The following XPO1 variants were observed in gnomAD, a reference collection of about 807,000 sequenced individuals.
XPO1 encodes exportin-1.
In XPO1, 5 loss-of-function variants were observed where a neutral mutation model predicts 133.3. The observed-to-expected ratio is 0.04, with a 90% CI of 0.02 to 0.08. The LOEUF (loss-of-function observed/expected upper bound fraction) is 0.08, where lower values mean the gene tolerates loss of function less well. Ranked by LOEUF, XPO1 falls within the 10% of genes least tolerant of loss-of-function variation. The pLI, the probability that XPO1 is intolerant of heterozygous loss-of-function variation, is 1.00. For missense variants in XPO1, 506 were observed against 1,267.5 expected, an observed-to-expected ratio of 0.40 and a Z score of 9.12; for synonymous variants, 419 against 408.2, an observed-to-expected ratio of 1.03 and a Z score of -0.32.
At chr2:61,482,198 A>T in intron 23 of XPO1, among the ~76,000 whole-genome samples, 182 bp downstream of exon 23, 1 of 151,944 alleles carries the variant, frequency 6.6e-6, no homozygotes. Flanking sequence ...CTACAGATGC[A>T]TACCACTTCT....
intron 4 of XPO1, among the ~76,000 whole-genome samples, chr2:61,519,711 A>AAAAC: frequency 6.6e-6 from 1 of 150,964 alleles, no homozygotes; most frequent in Non-Finnish European, 1.5e-5. Flanking sequence ...AAAAAAAAAA[A>AAAAC]AAAAAAAAAA....
Position 61,478,596 on chromosome 2 carries a change from A to T in XPO1, c.*224T>A. ...GAAGTAAAATTTTTAAAAATGCCTT[A>T]ATTTTCAACTTCATGCAAACTAAAT... On this transcript the variant is annotated 3_prime_UTR_variant, in exon 25 of 25. Transcript: ENST00000401558. 1 of 481,856 alleles carries T rather than the reference A, an allele frequency of 2.1e-6. No homozygotes were observed. The highest frequency in any genetic ancestry group is 3.4e-6 in the Non-Finnish European group (1 of 293,234). 29.8% of individuals were successfully genotyped at this position (481,856 alleles called of 1,614,324 possible).
intron 4 of XPO1, among the ~76,000 whole-genome samples, chr2:61,518,773 CACAA>C (rs1427602112): frequency 1.3e-5 from 2 of 152,076 alleles, no homozygotes; most frequent in Non-Finnish European, 2.9e-5. Context: ...ACACATAAAA[CACAA>C]ACAAATAGAC....
chr2:61,510,732 T>C (rs1228429109), intron 4 of XPO1, among the ~76,000 whole-genome samples: 1 of 151,320 alleles, frequency 6.6e-6, no homozygotes, highest in African/African-American at 2.4e-5. Context: ...AGCCCAGGAG[T>C]TCAGGACCAG....
intron 10 of XPO1, among the ~76,000 whole-genome samples, chr2:61,496,624 GTCTGGTCA>G (rs1374284941): frequency 1.3e-5 from 2 of 152,160 alleles, no homozygotes; most frequent in African/African-American, 2.4e-5. Flanking sequence ...GTTTCCCACT[GTCTGGTCA>G]GGTATCTCCC....
chr2:61,496,680 C>A (rs1362931790), intron 10 of XPO1, among the ~76,000 whole-genome samples, 199 bp downstream of exon 10: 3 of 152,104 alleles, frequency 2.0e-5, no homozygotes, highest in Non-Finnish European at 4.4e-5. Flanking sequence ...AAATAAATTA[C>A]CACAACACAC....
At chr2:61,516,339 A>G (rs1329417597) in intron 4 of XPO1, among the ~76,000 whole-genome samples, 1 of 151,948 alleles carries the variant, frequency 6.6e-6, no homozygotes, top group Non-Finnish European at 1.5e-5. Context: ...AAAAAAATCA[A>G]ACCTTGTAAT....
chr2:61,477,897 CATT>C lies in XPO1; in HGVS notation c.*920_*922del, dbSNP rs1447289807. 4.8e-6 allele frequency: 1 copy of C among 210,090 alleles called. No individual in the cohort carries two copies. The highest frequency in any genetic ancestry group is 2.3e-5 in the African/African-American group (1 of 44,022). The allele number at this position is 210,090 out of a possible 1,614,324, so 13.0% of individuals were successfully genotyped here. On this transcript the variant is annotated 3_prime_UTR_variant, in exon 25 of 25. Transcript: ENST00000401558. ...ATGCTTAAACACAAATACCCACTAT[CATT>C]AATATAGGAATAAATGAGTCAATAA... is the stretch of plus-strand genomic sequence containing the variant.
chr2:61,513,347 A>G (rs1698188696), intron 4 of XPO1, among the ~76,000 whole-genome samples: 1 of 145,494 alleles, frequency 6.9e-6, no homozygotes. Context: ...GTTCTATAAG[A>G]AAACGTACAG....
chr2:61,486,028 G>A, intron 19 of XPO1, 66 bp from the exon 20 acceptor site: 1 of 1,388,726 alleles, frequency 7.2e-7, no homozygotes, highest in Non-Finnish European at 9.8e-7. Context: ...TAAACAACAA[G>A]GTTATTCCTG....
chr2:61,506,956 G>A (rs541356916), intron 4 of XPO1, among the ~76,000 whole-genome samples: 2 of 152,100 alleles, frequency 1.3e-5, no homozygotes, highest in East Asian at 3.9e-4. Flanking sequence ...AAGGCCGGGC[G>A]CGGTGGCTCA....
intron 3 of XPO1, among the ~76,000 whole-genome samples, chr2:61,524,161 AAG>A (rs1558674136): frequency 6.6e-6 from 1 of 152,178 alleles, no homozygotes; most frequent in East Asian, 1.9e-4. Context: ...TCAGATTGTC[AAG>A]ACTCAGTAAG....
intron 6 of XPO1, 55 bp from the exon 7 acceptor site, chr2:61,499,949 C>T: frequency 6.5e-7 from 1 of 1,528,238 alleles, no homozygotes; most frequent in Non-Finnish European, 8.9e-7. Context: ...GCAAATAAAA[C>T]AAACTTCAAA....
intron 20 of XPO1, chr2:61,485,251 GACTT>G (rs1388798072): frequency 6.6e-6 from 1 of 152,406 alleles, no homozygotes; most frequent in East Asian, 1.9e-4. Flanking sequence ...GAAACATGCA[GACTT>G]ACTTTCTCAT....
chr2:61,483,084 C>G lies in XPO1; in HGVS notation c.2685G>C (p.Gln895His). Residue 895 changes from glutamine (Q) to histidine (H), a missense_variant, in exon 22 of 25, where the codon CAG (glutamine) becomes CAC (histidine). By Grantham distance (24) the Gln-to-His change is conservative. Around this residue, in one of 6 missense-constraint regions of XPO1, gnomAD observed 203 missense variants for 365.9 expected, o/e 0.55. Transcript: ENST00000401558. ...CATTTTGTAAGAGTGTAAAAAGTATCTGTAAGCCTAAAAGACATAGAATAC... is the reference window on the plus strand; with the variant it reads ...CATTTTGTAAGAGTGTAAAAAGTATGTGTAAGCCTAAAAGACATAGAATAC... ...TMRNVADTGL[Q>H]ILFTLLQNVA... The G allele has an allele frequency of 1.2e-6, 2 of 1,611,588 alleles. No individual in the cohort carries two copies. Among genetic ancestry groups the G allele is most frequent in the East Asian group, 2.2e-5 (1 of 44,842 alleles).
Position 61,507,243 on chromosome 2 carries a change from C to CAAA in XPO1, c.302-4936_302-4934dup, listed in dbSNP as rs55737388. Reference sequence around the variant, plus strand: ...TGGGTGACAGCGGGAGACTCCATCTCAAAAAAAAAAAAAAAAGAGTGAAGA... The same window carrying CAAA: ...TGGGTGACAGCGGGAGACTCCATCTCAAAAAAAAAAAAAAAAAAAGAGTGAAGA... On this transcript the variant is annotated intron_variant, in intron 4 of 24. Coordinates refer to ENST00000401558, the MANE Select transcript of XPO1 (RefSeq NM_003400.4). Among the ~76,000 whole-genome samples, 306 of 65,490 alleles carry CAAA rather than the reference C, an allele frequency of 4.7e-3. 7 individuals are homozygous for CAAA. The highest frequency in any genetic ancestry group is 0.024 in the Middle Eastern group (2 of 84). 43.0% of individuals were successfully genotyped at this position (65,490 alleles called of 152,430 possible). A position where few individuals can be genotyped will look rare whatever the true frequency, so the allele number is the denominator to read the frequency against.
At chr2:61,506,538 G>T (rs1697822698) in intron 4 of XPO1, among the ~76,000 whole-genome samples, 1 of 136,404 alleles carries the variant, frequency 7.3e-6, no homozygotes, top group Admixed American at 8.3e-5. Flanking sequence ...GCCAGAGGTT[G>T]CTCTGAGCCA....
At chr2:61,507,504 G>C (rs1221849632) in intron 4 of XPO1, among the ~76,000 whole-genome samples, 3 of 152,054 alleles carry the variant, frequency 2.0e-5, no homozygotes, top group Non-Finnish European at 4.4e-5. Flanking sequence ...CCAGGAGACT[G>C]AAGTTACAAC....
chr2:61,497,071 C>A (rs1262897491), intron 9 of XPO1, 64 bp from the exon 10 acceptor site: 3 of 1,542,132 alleles, frequency 1.9e-6, no homozygotes, highest in East Asian at 2.3e-5. Context: ...ACTTAAAATT[C>A]ACAATTAAAA....
Sources: gnomAD v4.1 joint callset for allele counts (sites outside exome capture counted in the v4.1 genomes callset) on GRCh38, gnomAD v4.1.1 for gene constraint, gnomAD v4.1.1 regional missense constraint, MANE v1.5 for transcripts, NCBI Gene and HGNC (gene_info 2026-07-23, HGNC 2026-07-21) for gene names.